The following PTCHD1 variants were observed in gnomAD, a reference collection of about 807,000 sequenced individuals.
PTCHD1 encodes patched domain-containing protein 1.
In PTCHD1, 3 loss-of-function variants were observed where a neutral mutation model predicts 34.6. The ratio of observed to expected loss-of-function variants is 0.09; its 90% CI spans 0.04 to 0.22. The LOEUF is 0.22. PTCHD1 is among the 10% of genes least tolerant of loss of function. The pLI is 1.00. For missense variants in PTCHD1, 504 were observed against 685.5 expected, an observed-to-expected ratio of 0.74 and a Z score of 2.96; for synonymous variants, 305 against 283.1, an observed-to-expected ratio of 1.08 and a Z score of -0.77.
intron 2 of PTCHD1, among the ~76,000 whole-genome samples, chrX:23,384,266 A>C (rs1433443843): frequency 8.9e-6 from 1 of 112,358 alleles, no homozygotes; most frequent in Non-Finnish European, 1.9e-5. Context: ...ATCAAGATAC[A>C]AGAGCCCCAG....
intron 1 of PTCHD1, among the ~76,000 whole-genome samples, chrX:23,363,613 T>G (rs187433305): frequency 8.9e-6 from 1 of 112,824 alleles, no homozygotes; most frequent in Non-Finnish European, 1.9e-5. Flanking sequence ...GCTTCCTGGG[T>G]GAGGCGATGC....
rs1201291388 is a variant in PTCHD1 at position 23,400,336 on chromosome X, T to A, written c.*6151T>A. ...CCTCTACTAAAAAATACAAAAAAATTAGCTGGGCGTGGTGGCACGTGCCTG... is the reference window on the plus strand; with the variant it reads ...CCTCTACTAAAAAATACAAAAAAATAAGCTGGGCGTGGTGGCACGTGCCTG... On this transcript the variant is annotated 3_prime_UTR_variant, in exon 3 of 3. Coordinates refer to ENST00000379361, the MANE Select transcript of PTCHD1 (RefSeq NM_173495.3). 1 of 111,287 alleles carries A rather than the reference T, an allele frequency of 9.0e-6. No individual in the cohort carries two copies. The highest frequency in any genetic ancestry group is 1.9e-5 in the Non-Finnish European group (1 of 53,045). The allele number at this position is 111,287 out of a possible 1,213,427, so 9.2% of individuals were successfully genotyped here.
At position 23,397,210 on chromosome X, in the gene PTCHD1, G is replaced by C. The variant is rs939254791; in HGVS notation, c.*3025G>C. 1 of 111,755 alleles carries C rather than the reference G, an allele frequency of 8.9e-6. No homozygotes were observed. The highest frequency in any genetic ancestry group is 1.9e-5 in the Non-Finnish European group (1 of 53,160). 9.2% of individuals were successfully genotyped at this position (111,755 alleles called of 1,213,427 possible). On this transcript the variant is annotated 3_prime_UTR_variant, in exon 3 of 3. Transcript: ENST00000379361. ...AAACTGTGATACTGGGACTTTTTTGGCCATTCATAAGGAAAATTTTTAAAA... is the reference window on the plus strand; with the variant it reads ...AAACTGTGATACTGGGACTTTTTTGCCCATTCATAAGGAAAATTTTTAAAA...
intron 1 of PTCHD1, among the ~76,000 whole-genome samples, chrX:23,373,096 A>G (rs959722230): frequency 8.9e-6 from 1 of 112,613 alleles, no homozygotes; most frequent in Admixed American, 9.4e-5. Flanking sequence ...AGATACTGCA[A>G]TTGCATTTTC....
intron 1 of PTCHD1, among the ~76,000 whole-genome samples, chrX:23,341,048 C>T (rs1921296153): frequency 8.9e-6 from 1 of 112,089 alleles, no homozygotes; most frequent in Admixed American, 9.5e-5. Flanking sequence ...TTGATTTTTG[C>T]GATTAGTATG....
chrX:23,346,363 G>A (rs1402687459), intron 1 of PTCHD1, among the ~76,000 whole-genome samples: 1 of 111,501 alleles, frequency 9.0e-6, no homozygotes, highest in Non-Finnish European at 1.9e-5. Flanking sequence ...CTCGGAATAT[G>A]ACAGGGAAGA....
At chrX:23,340,505 G>T (rs1415578999) in intron 1 of PTCHD1, among the ~76,000 whole-genome samples, 2 of 112,248 alleles carry the variant, frequency 1.8e-5, no homozygotes, top group African/African-American at 6.5e-5. Flanking sequence ...GCATCAGTCA[G>T]CAGCAGTCGC....
Position 23,392,769 on chromosome X carries a change from ACT to A in PTCHD1, c.1255_1256del (p.Ser419ValfsTer19). On this transcript the variant is annotated frameshift_variant, in exon 3 of 3. Transcript: ENST00000379361. LOFTEE classifies it high-confidence loss of function. Reference protein sequence around the residue: ...IAIFFNYLYVLSFYGSSLVFT... With the variant: ...IAIFFNYLYVXSFYGSSLVFT... ...CAATCTTCTTCAACTACCTCTATGT[ACT>A]CTCGTTTTATGGTTCCAGCCTAGTG... 1 of 1,210,905 alleles carries A rather than the reference ACT, an allele frequency of 8.3e-7. No homozygotes were observed. Among genetic ancestry groups the A allele is most frequent in the Non-Finnish European group, 1.1e-6 (1 of 894,751 alleles).
intron 1 of PTCHD1, among the ~76,000 whole-genome samples, chrX:23,358,631 T>C (rs1219862220): frequency 1.8e-5 from 2 of 112,270 alleles, no homozygotes; most frequent in Non-Finnish European, 3.8e-5. Context: ...TCTTTTGCTG[T>C]GCAGAAGCTC....
At chrX:23,342,321 TTTTTTTTTTTTA>T (rs1328741651) in intron 1 of PTCHD1, among the ~76,000 whole-genome samples, 6,467 of 51,327 alleles carry the variant, frequency 0.13, 299 homozygotes, top group South Asian at 0.44. Context: ...TTTTTTTTTT[TTTTTTTTTTTTA>T]AAAGAATTGG....
chrX:23,380,291 T>G, intron 2 of PTCHD1, 40 bp downstream of exon 2: 2 of 1,139,981 alleles, frequency 1.8e-6, no homozygotes, highest in South Asian at 1.8e-5. Flanking sequence ...CGCCTGCTGG[T>G]GGTGTTGACT....
In PTCHD1 at chrX:23,394,409, G is replaced by GACACACACACAC. The variant is rs34539351; in HGVS notation, c.*255_*266dup. On this transcript the variant is annotated 3_prime_UTR_variant, in exon 3 of 3. Coordinates refer to ENST00000379361, the MANE Select transcript of PTCHD1 (RefSeq NM_173495.3). ...TGTTATGAGAATTCACACACACATA[G>GACACACACACAC]ACACACACACACACACACACACACA... 0.059 allele frequency: 11,540 copies of GACACACACACAC among 197,114 alleles called. 428 individuals are homozygous for GACACACACACAC. The highest frequency in any genetic ancestry group is 0.085 in the Admixed American group (1,047 of 12,312). 16.2% of individuals were successfully genotyped at this position (197,114 alleles called of 1,213,427 possible). A position where few individuals can be genotyped will look rare whatever the true frequency, so the allele number is the denominator to read the frequency against.
intron 1 of PTCHD1, among the ~76,000 whole-genome samples, chrX:23,344,773 C>T (rs1212300258): frequency 9.0e-6 from 1 of 111,525 alleles, no homozygotes; most frequent in African/African-American, 3.3e-5. Flanking sequence ...ACTTCCTGCC[C>T]AGGGAAGTGC....
At chrX:23,349,012 A>C (rs952119950) in intron 1 of PTCHD1, among the ~76,000 whole-genome samples, 3 of 112,162 alleles carry the variant, frequency 2.7e-5, no homozygotes, top group Non-Finnish European at 5.6e-5. Context: ...GTCACAAGGC[A>C]TGTGAGGGAG....
chrX:23,385,370 C>T (rs954134410), intron 2 of PTCHD1, among the ~76,000 whole-genome samples: 1 of 111,180 alleles, frequency 9.0e-6, no homozygotes, highest in Non-Finnish European at 1.9e-5. Context: ...TCCAGGAAAG[C>T]AGAACTCAGT....
chrX:23,391,731 C>T (rs991949536), intron 2 of PTCHD1, among the ~76,000 whole-genome samples: 2 of 111,909 alleles, frequency 1.8e-5, no homozygotes, highest in African/African-American at 3.3e-5. Flanking sequence ...CTTGTGGGGA[C>T]GGAAAGCAAA....
chrX:23,387,099 T>A (rs1489400427), intron 2 of PTCHD1, among the ~76,000 whole-genome samples: 1 of 112,362 alleles, frequency 8.9e-6, no homozygotes, highest in East Asian at 2.8e-4. Flanking sequence ...TCAATTTGCC[T>A]ACGATTATTC....
At chrX:23,343,848 C>T (rs1372583969) in intron 1 of PTCHD1, among the ~76,000 whole-genome samples, 1 of 112,404 alleles carries the variant, frequency 8.9e-6, no homozygotes, top group Non-Finnish European at 1.9e-5. Flanking sequence ...AATAATGCAT[C>T]TCTGCTATAG....
At chrX:23,345,430 T>G (rs192907858) in intron 1 of PTCHD1, among the ~76,000 whole-genome samples, 42 of 112,354 alleles carry the variant, frequency 3.7e-4, no homozygotes, top group African/African-American at 1.3e-3. Context: ...GACCACATTT[T>G]GAGTAGAGCA....
Sources: gnomAD v4.1 joint callset for allele counts (sites outside exome capture counted in the v4.1 genomes callset) on GRCh38, gnomAD v4.1.1 for gene constraint, MANE v1.5 for transcripts, NCBI Gene and HGNC (gene_info 2026-07-23, HGNC 2026-07-21) for gene names.